UBE2D3: variants seen among roughly 807,000 people sequenced by gnomAD.
UBE2D3 encodes ubiquitin-conjugating enzyme E2 D3.
Under a neutral mutation model 22.8 loss-of-function variants are expected in UBE2D3, and 2 were observed. The ratio of observed to expected loss-of-function variants is 0.09; its 90% CI spans 0.04 to 0.28. UBE2D3 has a LOEUF of 0.28. Among genes scored for constraint, UBE2D3 ranks in the 10% least tolerant of loss-of-function variants. The pLI is 1.00. For missense variants in UBE2D3, 27 were observed against 182.5 expected, an observed-to-expected ratio of 0.15 and a Z score of 4.91; for synonymous variants, 56 against 60.4, an observed-to-expected ratio of 0.93 and a Z score of 0.34.
At chr4:102,807,886 C>T (rs1727317545) in intron 4 of UBE2D3, among the ~76,000 whole-genome samples, 1 of 152,166 alleles carries the variant, frequency 6.6e-6, no homozygotes, top group Admixed American at 6.5e-5. Context: ...AAAGTCTAAA[C>T]TGTCAAGCAG....
chr4:102,828,260 A>G, upstream of UBE2D3: 1 of 985,388 alleles, frequency 1.0e-6, no homozygotes, highest in Non-Finnish European at 1.2e-6. Context: ...CCAAGGATTA[A>G]TTACCAGATA....
intron 1 of UBE2D3, among the ~76,000 whole-genome samples, chr4:102,839,335 T>A (rs1267269951): frequency 6.6e-6 from 1 of 152,194 alleles, no homozygotes; most frequent in East Asian, 1.9e-4. Context: ...GGCGCCATCA[T>A]GGCTCACTAC....
intron 4 of UBE2D3, among the ~76,000 whole-genome samples, chr4:102,807,721 G>A (rs1487073167): frequency 6.6e-6 from 1 of 152,090 alleles, no homozygotes; most frequent in Non-Finnish European, 1.5e-5. Context: ...CAAAATAACA[G>A]CAAATTAAGT....
At position 102,848,593 on chromosome 4, in the gene UBE2D3, C is replaced by T. The variant is rs982587406; in HGVS notation, c.-129+20122G>A. ...CTGGGAGGCGGAGGATGCAGTGAGC[C>T]GAGATCACACCATTGCACTCAAGCC... On this transcript the variant is annotated intron_variant, in intron 1 of 7. Coordinates refer to the UBE2D3 transcript ENST00000338145. Among the ~76,000 whole-genome samples the T allele has an allele frequency of 4.0e-5, 6 of 151,392 alleles. No homozygotes were observed. In the South Asian group the frequency reaches 6.3e-4, roughly 16 times the overall value.
At chr4:102,832,558 G>T (rs1006435791) in intron 1 of UBE2D3, among the ~76,000 whole-genome samples, 2 of 152,032 alleles carry the variant, frequency 1.3e-5, no homozygotes, top group African/African-American at 4.8e-5. Flanking sequence ...GGATGTTAAT[G>T]AAATAATCCT....
chr4:102,827,860 A>AGACCATGGGAGGAAGGT (rs1291796790), upstream of UBE2D3: 1 of 985,532 alleles, frequency 1.0e-6, no homozygotes, highest in Non-Finnish European at 1.2e-6. Context: ...AACCGGAAGG[A>AGACCATGGGAGGAAGGT]GACCATGGGA....
chr4:102,812,865 G>A (rs1250479149), intron 2 of UBE2D3: 1 of 152,114 alleles, frequency 6.6e-6, no homozygotes. Context: ...AGCTCCCAGA[G>A]GGCATTTTGC....
At position 102,799,591 on chromosome 4, in the gene UBE2D3, A is replaced by G. The variant is rs188079528; in HGVS notation, c.305-91T>C. ...CGTGTATTACAAAACTCAATCCTCA[A>G]AAGACTTTTATTAGTTTGTATCTTT... On this transcript the variant is annotated intron_variant, in intron 6 of 7. Coordinates refer to ENST00000453744, the MANE Select transcript of UBE2D3 (RefSeq NM_181891.3). The G allele has an allele frequency of 4.8e-5, 42 of 879,756 alleles. No individual in the cohort carries two copies. In the East Asian group the frequency reaches 8.0e-4, roughly 17 times the overall value. The allele number at this position is 879,756 out of a possible 1,614,324, so 54.5% of individuals were successfully genotyped here.
At chr4:102,828,081 C>T, upstream of UBE2D3, 1 of 985,434 alleles carries the variant, frequency 1.0e-6, no homozygotes, top group Non-Finnish European at 1.2e-6. Context: ...TCTCGCGAGA[C>T]GCAGTAAGGC....
rs1293181819 is a variant in UBE2D3 at position 102,796,270 on chromosome 4, T to TA, written c.*1144dup. The TA allele has an allele frequency of 1.3e-5, 2 of 152,400 alleles. No individual in the cohort carries two copies. Among genetic ancestry groups the TA allele is most frequent in the South Asian group, 4.1e-4 (2 of 4,834 alleles). The allele number at this position is 152,400 out of a possible 1,614,324, so 9.4% of individuals were successfully genotyped here. On this transcript the variant is annotated 3_prime_UTR_variant, in exon 8 of 8. Transcript: ENST00000453744. Reference sequence around the variant, plus strand: ...GGCTGCACCTGGAAAATAAATTTCTTAAACTCCATAAACACATTTCAAAAC... The same window carrying TA: ...GGCTGCACCTGGAAAATAAATTTCTTAAAACTCCATAAACACATTTCAAAAC...
Position 102,835,855 on chromosome 4 carries a change from T to A in UBE2D3, c.-128-9219A>T, listed in dbSNP as rs572098059. Among the ~76,000 whole-genome samples the A allele has an allele frequency of 7.2e-5, 11 of 152,226 alleles. 1 individual carries two copies. The South Asian group carries it at 2.3e-3, about 32-fold the overall frequency. ...AAGTTTCCTTATGCTCTTTTATAAA[T>A]CCTTTCTCTTGTTCTTCCCCCACCC... On this transcript the variant is annotated intron_variant, in intron 1 of 7. Transcript: ENST00000338145.
intron 4 of UBE2D3, among the ~76,000 whole-genome samples, chr4:102,808,592 T>C (rs1727444157): frequency 6.6e-6 from 1 of 152,162 alleles, no homozygotes; most frequent in Admixed American, 6.5e-5. Context: ...TGCTTCAATT[T>C]CCCATTAATT....
intron 2 of UBE2D3, among the ~76,000 whole-genome samples, chr4:102,823,895 C>T (rs1311238050): frequency 2.6e-5 from 4 of 152,190 alleles, no homozygotes; most frequent in African/African-American, 7.2e-5. Flanking sequence ...TATCATAATA[C>T]TTGAAATGTG....
Position 102,859,758 on chromosome 4 carries a change from A to AT in UBE2D3, c.-129+8956dup, listed in dbSNP as rs763352437. ...AAATGATCTGTCTTCAAGTTCATTG[A>AT]TTCTTCCTTCTGCTTGATTCAATCT... On this transcript the variant is annotated intron_variant, in intron 1 of 7. Coordinates refer to the UBE2D3 transcript ENST00000338145. 5.0e-4 allele frequency among the ~76,000 whole-genome samples: 76 copies of AT among 150,984 alleles called. 2 individuals are homozygous for AT. The highest frequency in any genetic ancestry group is 9.9e-4 in the Non-Finnish European group (67 of 67,734).
chr4:102,800,338 A>G (rs1212659330), intron 6 of UBE2D3, among the ~76,000 whole-genome samples: 1 of 152,084 alleles, frequency 6.6e-6, no homozygotes, highest in East Asian at 1.9e-4. Flanking sequence ...ATTACCTAAT[A>G]TAGGAGACTT....
intron 1 of UBE2D3, among the ~76,000 whole-genome samples, chr4:102,868,072 CTTTTTT>C (rs11418599): frequency 8.7e-6 from 1 of 115,278 alleles, no homozygotes. Context: ...GCTTTAGATT[CTTTTTT>C]TTTTTTTTTT....
At chr4:102,825,569 A>T in intron 2 of UBE2D3, 1 of 1,192,754 alleles carries the variant, frequency 8.4e-7, no homozygotes, top group Non-Finnish European at 1.1e-6. Context: ...CAAGAAAATG[A>T]GACTAAACCA....
chr4:102,856,586 A>G lies in UBE2D3; in HGVS notation c.-129+12129T>C, dbSNP rs1732630590. On this transcript the variant is annotated intron_variant, in intron 1 of 7. Transcript: ENST00000338145. Reference sequence around the variant, plus strand: ...GATAATTAAAATATTTAAAATCATAATATTCGTATATGGAAAGAAATTCAA... The same window carrying G: ...GATAATTAAAATATTTAAAATCATAGTATTCGTATATGGAAAGAAATTCAA... Among the ~76,000 whole-genome samples, 3 of 152,204 alleles carry G rather than the reference A, an allele frequency of 2.0e-5. No individual in the cohort carries two copies. The South Asian group carries it at 6.2e-4, about 32-fold the overall frequency.
At chr4:102,805,681 T>A (rs554779705) in intron 4 of UBE2D3, among the ~76,000 whole-genome samples, 1 of 152,190 alleles carries the variant, frequency 6.6e-6, no homozygotes, top group East Asian at 1.9e-4. Flanking sequence ...ATAGGTTGAT[T>A]TTCTACTCTT....
Sources: allele counts gnomAD v4.1 joint callset (sites outside exome capture counted in the v4.1 genomes callset), GRCh38; gene constraint gnomAD v4.1.1; transcripts MANE v1.5; gene names NCBI Gene and HGNC (gene_info 2026-07-23, HGNC 2026-07-21).